SETX: variants seen among roughly 807,000 people sequenced by gnomAD.
SETX encodes senataxin, also known as helicase senataxin.
Under a neutral mutation model 227.2 loss-of-function variants are expected in SETX, and 90 were observed. That is an observed-to-expected ratio of 0.40 (90% CI 0.33 to 0.47). The LOEUF is 0.47. Among genes scored for constraint, SETX ranks in the 20% least tolerant of loss-of-function variants. The pLI is 0.91. For synonymous variants in SETX, 1,210 were observed against 1,113.2 expected (o/e 1.09, Z -1.73); for missense variants, 3,052 against 3,181.5 (o/e 0.96, Z 0.98).
Position 132,268,796 on chromosome 9 carries a change from A to G in SETX, c.7287+819T>C, listed in dbSNP as rs1842764896. ...AAAGATTTTTTCTATCAACTTAAAA[A>G]TAGGAGGTACATAAAAATAAACGGT... On this transcript the variant is annotated intron_variant, in intron 25 of 25. Transcript: ENST00000224140. 2.0e-5 allele frequency among the ~76,000 whole-genome samples: 3 copies of G among 152,226 alleles called. No homozygotes were observed. The South Asian group carries it at 6.2e-4, about 31-fold the overall frequency.
chr9:132,277,145 C>T lies in SETX; in HGVS notation c.6850G>A (p.Glu2284Lys). 6.2e-7 allele frequency: 1 copy of T among 1,606,654 alleles called. No individual in the cohort carries two copies. Residue 2284 changes from glutamate (E) to lysine (K), a missense_variant, in exon 22 of 26, where the codon GAA (glutamate) becomes AAA (lysine). Coordinates refer to ENST00000224140, the MANE Select transcript of SETX (RefSeq NM_015046.7). ...CAATCTGATGAACATCGAATGGCTTCTGTCTGTCTGTAAAAAAAAAAAAGC... is the reference window on the plus strand; with the variant it reads ...CAATCTGATGAACATCGAATGGCTTTTGTCTGTCTGTAAAAAAAAAAAAGC... Reference protein sequence around the residue: ...NRNLKTNRQTEAIRCSSDWPF... With the variant: ...NRNLKTNRQTKAIRCSSDWPF...
intron 15 of SETX, 133 bp downstream of exon 15, chr9:132,295,739 A>G: frequency 2.3e-6 from 2 of 856,108 alleles, no homozygotes. Flanking sequence ...ATACTTGCTA[A>G]ATGAACTCAC....
chr9:132,300,062 G>A (rs766950012), intron 12 of SETX, among the ~76,000 whole-genome samples: 44 of 149,416 alleles, frequency 2.9e-4, no homozygotes, highest in East Asian at 1.6e-3. Context: ...CCCAAGAGGC[G>A]GAGAGTGCAG....
Position 132,334,660 on chromosome 9 carries a change from T to C in SETX, c.786A>G (p.Lys262=), listed in dbSNP as rs1589757255. The C allele has an allele frequency of 6.2e-7, 1 of 1,614,136 alleles. No homozygotes were observed. The highest frequency in any genetic ancestry group is 8.5e-7 in the Non-Finnish European group (1 of 1,179,992). The change falls in exon 7 of 26, where the codon AAA becomes AAG. Residue 262 remains lysine (K), a synonymous_variant. Coordinates refer to ENST00000224140, the MANE Select transcript of SETX (RefSeq NM_015046.7). ...AMDSLLLGSD[K]QNDFMQSILH... ...GTATCGATTGCATAAAATCATTTTG[T>C]TTGTCTGAGCCCAACAACAGGGAAT...
At chr9:132,316,587 A>C (rs1394309296) in intron 10 of SETX, among the ~76,000 whole-genome samples, 5 of 152,182 alleles carry the variant, frequency 3.3e-5, no homozygotes, top group Non-Finnish European at 7.3e-5. Context: ...GATTTAACCA[A>C]AGTTTATGTG....
chr9:132,278,191 C>T lies in SETX; in HGVS notation c.6721G>A (p.Val2241Ile), dbSNP rs2131182409. The T allele has an allele frequency of 6.2e-7, 1 of 1,614,196 alleles. No individual in the cohort carries two copies. Among genetic ancestry groups the T allele is most frequent in the Non-Finnish European group, 8.5e-7 (1 of 1,180,028 alleles). Residue 2241 changes from valine (V) to isoleucine (I), a missense_variant, in exon 21 of 26, where the codon GTA (valine) becomes ATA (isoleucine). By Grantham distance (29) the Val-to-Ile change is conservative. Transcript: ENST00000224140. ...AGCCTGCTGATCATGTTGTGTTCTACATTCTCTTCCAGCAGTCTGCAGAAG... is the reference window on the plus strand; with the variant it reads ...AGCCTGCTGATCATGTTGTGTTCTATATTCTCTTCCAGCAGTCTGCAGAAG... ...ARFCRLLEENVEHNMISRLPI... is the reference protein window; with the variant it reads ...ARFCRLLEENIEHNMISRLPI...
At chr9:132,282,547 C>T (rs958129300) in intron 19 of SETX, among the ~76,000 whole-genome samples, 1 of 152,092 alleles carries the variant, frequency 6.6e-6, no homozygotes, top group Non-Finnish European at 1.5e-5. Flanking sequence ...TCCTCAGTCT[C>T]CCAAAGTGCC....
rs61398915 is a variant in SETX, at chr9:132,297,178, CAGACA to C, written c.5782-129_5782-125del. ...ATGAGACAAAAGCTTTGGTTATGGT[CAGACA>C]AGACAAGGACACCAAAGTGACCTTT... On this transcript the variant is annotated intron_variant, in intron 13 of 25. Coordinates refer to ENST00000224140, the MANE Select transcript of SETX (RefSeq NM_015046.7). The C allele has an allele frequency of 0.056, 44,348 of 790,542 alleles. 2,254 individuals carry two copies. Among genetic ancestry groups the C allele is most frequent in the African/African-American group, 0.18 (9,978 of 56,786 alleles). 49.0% of individuals were successfully genotyped at this position (790,542 alleles called of 1,614,324 possible).
At position 132,320,144 on chromosome 9, in the gene SETX, A is replaced by T. The variant is rs986499824; in HGVS notation, c.5274+6180T>A. Among the ~76,000 whole-genome samples, 85 of 152,248 alleles carry T rather than the reference A, an allele frequency of 5.6e-4. 1 individual carries two copies. The highest frequency in any genetic ancestry group is 1.6e-3 in the African/African-American group (68 of 41,460). ...ACAAAAGACTCATTTCTAAAAGTTG[A>T]ATCTGTTCTCATTTGTCTTTCGTAA... On this transcript the variant is annotated intron_variant, in intron 10 of 25. Coordinates refer to ENST00000224140, the MANE Select transcript of SETX (RefSeq NM_015046.7).
chr9:132,297,256 A>G (rs1844726005), intron 13 of SETX, among the ~76,000 whole-genome samples: 1 of 152,218 alleles, frequency 6.6e-6, no homozygotes, highest in Admixed American at 6.5e-5. Context: ...ATTACTTACT[A>G]ATTACTAATT....
In SETX at chr9:132,302,306, G is replaced by A. The variant is rs1269236571; in HGVS notation, c.5375-1503C>T. Among the ~76,000 whole-genome samples, 9 of 133,626 alleles carry A rather than the reference G, an allele frequency of 6.7e-5. No homozygotes were observed. In the East Asian group the frequency reaches 9.9e-4, roughly 15 times the overall value. The allele number at this position is 133,626 out of a possible 152,430, so 87.7% of individuals were successfully genotyped here. A position where few individuals can be genotyped will look rare whatever the true frequency, so the allele number is the denominator to read the frequency against. On this transcript the variant is annotated intron_variant, in intron 11 of 25. Transcript: ENST00000224140. ...CAGGAGGCGGAGCTTGCAGTGAGCC[G>A]AGATCACACCACTGCACTCCAGCCT...
chr9:132,297,521 C>T (rs954125244), intron 13 of SETX, among the ~76,000 whole-genome samples: 2 of 152,192 alleles, frequency 1.3e-5, no homozygotes, highest in African/African-American at 4.8e-5. Flanking sequence ...CTTGCACTTA[C>T]AAGCTAGGCC....
At chr9:132,295,836 A>G in intron 15 of SETX, 36 bp downstream of exon 15, 1 of 1,596,550 alleles carries the variant, frequency 6.3e-7, no homozygotes, top group Non-Finnish European at 8.6e-7. Flanking sequence ...AACACTGAAA[A>G]CAAAAACAAA....
At position 132,328,968 on chromosome 9, in the gene SETX, A is replaced by C; in HGVS notation, c.2630T>G (p.Phe877Cys). 6.2e-7 allele frequency: 1 copy of C among 1,608,768 alleles called. No individual in the cohort carries two copies. Among genetic ancestry groups the C allele is most frequent in the Non-Finnish European group, 8.5e-7 (1 of 1,178,538 alleles). ...TTTACAATTGTTTTCATGGAAAGAG[A>C]AAATAACTAATTCTTCATTCTTTAA... ...KQLKNEELVIFSFHENNCKIQ... is the reference protein window; with the variant it reads ...KQLKNEELVICSFHENNCKIQ... Residue 877 changes from phenylalanine to cysteine, a missense_variant, in exon 10 of 26, where the codon TTC becomes TGC. Phe to Cys is a radical substitution (Grantham distance 205). This residue lies in a region of SETX where 1,483 missense variants were observed against 1,312.0 expected (regional missense o/e 1.13). Transcript: ENST00000224140.
At position 132,296,739 on chromosome 9, in the gene SETX, T is replaced by C. The variant is rs1844694221; in HGVS notation, c.5949+148A>G. ...TAACCTTCCCTCCCTCTGCCACCCT[T>C]TTCTCTGACACAGTTACACACAATA... is the stretch of plus-strand genomic sequence containing the variant. On this transcript the variant is annotated intron_variant, in intron 14 of 25. Coordinates refer to ENST00000224140, the MANE Select transcript of SETX (RefSeq NM_015046.7). The C allele has an allele frequency of 8.0e-6, 6 of 752,468 alleles. No homozygotes were observed. In the East Asian group the frequency reaches 1.6e-4, roughly 20 times the overall value. The allele number at this position is 752,468 out of a possible 1,614,324, so 46.6% of individuals were successfully genotyped here.
chr9:132,278,319 T>C, intron 20 of SETX, 62 bp from the exon 21 acceptor site: 2 of 1,532,456 alleles, frequency 1.3e-6, no homozygotes, highest in East Asian at 2.2e-5. Flanking sequence ...CCCACTATTA[T>C]AAACACAATT....
At chr9:132,278,338 C>CTA (rs1843289719) in intron 20 of SETX, 81 bp from the exon 21 acceptor site, 1 of 1,370,146 alleles carries the variant, frequency 7.3e-7, no homozygotes, top group South Asian at 1.2e-5. Flanking sequence ...TTACTGAGAT[C>CTA]TAATACGTAT....
intron 10 of SETX, among the ~76,000 whole-genome samples, chr9:132,312,479 C>T (rs1261776624): frequency 6.6e-6 from 1 of 152,154 alleles, no homozygotes; most frequent in Non-Finnish European, 1.5e-5. Flanking sequence ...AAATATATTA[C>T]CTTTTGGGCC....
chr9:132,288,187 G>A (rs1309192532), intron 17 of SETX, 49 bp downstream of exon 17: 3 of 1,471,898 alleles, frequency 2.0e-6, no homozygotes, highest in African/African-American at 2.8e-5. Flanking sequence ...AAAAAAACTT[G>A]TTAACTAGTT....
Sources: gnomAD v4.1 joint callset for allele counts (sites outside exome capture counted in the v4.1 genomes callset) on GRCh38, gnomAD v4.1.1 for gene constraint, gnomAD v4.1.1 regional missense constraint, MANE v1.5 for transcripts, NCBI Gene and HGNC (gene_info 2026-07-23, HGNC 2026-07-21) for gene names.